JRKL: variants seen among roughly 807,000 people sequenced by gnomAD.
The protein encoded by JRKL is jerky protein homolog-like.
Under a neutral mutation model 34.7 loss-of-function variants are expected in JRKL, and 25 were observed. That is an observed-to-expected ratio of 0.72 (90% CI 0.53 to 1.01). JRKL has a LOEUF of 1.01. Among genes scored for constraint, JRKL ranks in the 50% least tolerant of loss-of-function variants. The pLI is 0.00. For synonymous variants in JRKL, 204 were observed against 212.8 expected, an observed-to-expected ratio of 0.96 and a Z score of 0.36; for missense variants, 495 against 615.7, an observed-to-expected ratio of 0.80 and a Z score of 2.07.
rs1866504452 is a variant in JRKL at position 96,390,695 on chromosome 11, C to T, written c.46C>T (p.Leu16Phe). The change falls in exon 2 of 2, where the codon CTT (leucine) becomes TTT (phenylalanine). Residue 16 changes from leucine (L) to phenylalanine (F), a missense_variant. By Grantham distance (22) the Leu-to-Phe change is conservative (BLOSUM62 0). Transcript: ENST00000332349. ...TGTGGTGTTGACTATTAAAGATAAG[C>T]TTGATATAATAAAGAAACTTGAAGA... ...KRVVLTIKDKLDIIKKLEDGG... is the reference protein window; with the variant it reads ...KRVVLTIKDKFDIIKKLEDGG... 6.2e-7 allele frequency: 1 copy of T among 1,602,498 alleles called. No individual in the cohort carries two copies. The highest frequency in any genetic ancestry group is 8.5e-7 in the Non-Finnish European group (1 of 1,176,662).
At position 96,391,620 on chromosome 11, in the gene JRKL, A is replaced by G; in HGVS notation, c.971A>G (p.Gln324Arg). ...CCACCTAATGTGGCCTCATTGATTC[A>G]GCCTTCAGATCAGGGAGTCATAGCA... ...YLPPNVASLI[Q>R]PSDQGVIATM... is the part of the protein sequence containing the mutation. Residue 324 changes from glutamine to arginine, a missense_variant, in exon 2 of 2, where the codon CAG (glutamine) becomes CGG (arginine). Coordinates refer to ENST00000332349, the MANE Select transcript of JRKL (RefSeq NM_001261833.2). 6.2e-7 allele frequency: 1 copy of G among 1,613,556 alleles called. No individual in the cohort carries two copies.
Position 96,390,479 on chromosome 11 carries a change from G to A in JRKL, c.-167-4G>A, listed in dbSNP as rs1866495954. On this transcript the variant is annotated splice_region_variant and splice_polypyrimidine_tract_variant and intron_variant, in intron 1 of 1. Transcript: ENST00000332349. Reference sequence around the variant, plus strand: ...ACTTCCTCCTCTTTCACCTTCTTCTGCAGTCTATTTGCCAGCCAACCCCAG... The same window carrying A: ...ACTTCCTCCTCTTTCACCTTCTTCTACAGTCTATTTGCCAGCCAACCCCAG... 1.5e-6 allele frequency: 1 copy of A among 654,736 alleles called. No homozygotes were observed. Among genetic ancestry groups the A allele is most frequent in the Non-Finnish European group, 2.4e-6 (1 of 409,722 alleles). 40.6% of individuals were successfully genotyped at this position (654,736 alleles called of 1,614,324 possible).
chr11:96,390,452 A>C, intron 1 of JRKL, 31 bp from the exon 2 acceptor site: 1 of 545,660 alleles, frequency 1.8e-6, no homozygotes, highest in South Asian at 3.3e-5. Context: ...CTGTTCTCTC[A>C]AACTTCCTCC....
chr11:96,391,990 C>A lies in JRKL; in HGVS notation c.1341C>A (p.Ser447Arg). 1.2e-6 allele frequency: 2 copies of A among 1,613,832 alleles called. No individual in the cohort carries two copies. Among genetic ancestry groups the A allele is most frequent in the Non-Finnish European group, 1.7e-6 (2 of 1,179,972 alleles). The change falls in exon 2 of 2, where the codon AGC becomes AGA. Residue 447 changes from serine to arginine, a missense_variant. By Grantham distance (110) the Ser-to-Arg change is moderately radical. Coordinates refer to ENST00000332349, the MANE Select transcript of JRKL (RefSeq NM_001261833.2). ...CAGGCTATGAAGTGTTAACTGATAG[C>A]GAAATCATCAGAAGAGCACAAGGCC... ...TEPGYEVLTD[S>R]EIIRRAQGQA... is the part of the protein sequence containing the mutation.
At position 96,390,988 on chromosome 11, in the gene JRKL, G is replaced by C. The variant is rs1866517072; in HGVS notation, c.339G>C (p.Leu113Phe). The C allele has an allele frequency of 6.2e-7, 1 of 1,614,040 alleles. No homozygotes were observed. Reference protein sequence around the residue: ...AKRAEFFFYALGMDGDFNPSA... With the variant: ...AKRAEFFFYAFGMDGDFNPSA... ...GGGCAGAGTTCTTCTTTTATGCTTT[G>C]GGAATGGATGGTGATTTTAACCCCT... The change falls in exon 2 of 2, where the codon TTG becomes TTC. Residue 113 changes from leucine (L) to phenylalanine (F), a missense_variant. Leu to Phe is a conservative substitution (Grantham distance 22, BLOSUM62 0). Coordinates refer to ENST00000332349, the MANE Select transcript of JRKL (RefSeq NM_001261833.2).
In JRKL at chr11:96,391,531, A is replaced by G. The variant is rs745558844; in HGVS notation, c.882A>G (p.Ser294=). Residue 294 remains serine (S), a synonymous_variant, in exon 2 of 2, where the codon TCA becomes TCG. Transcript: ENST00000332349. The part of the protein sequence containing the change: ...QEKAVLLLDN[S]PTHPNENVLR... ...AGGCTGTGCTCTTGTTGGATAATTC[A>G]CCAACACATCCAAATGAAAATGTCC... The G allele has an allele frequency of 6.4e-7, 1 of 1,555,858 alleles. No homozygotes were observed. The highest frequency in any genetic ancestry group is 1.2e-5 in the South Asian group (1 of 84,936).
At position 96,391,191 on chromosome 11, in the gene JRKL, T is replaced by C. The variant is rs1299219477; in HGVS notation, c.542T>C (p.Leu181Pro). The change falls in exon 2 of 2, where the codon CTC (leucine) becomes CCC (proline). Residue 181 changes from leucine to proline, a missense_variant. Coordinates refer to ENST00000332349, the MANE Select transcript of JRKL (RefSeq NM_001261833.2). ...ATCTACAATGCAGATGAAACTGGAC[T>C]CTTTTGGAAGTGCTTGCCTTCTAGG... ...EQIYNADETG[L>P]FWKCLPSRIS... 2 of 1,559,808 alleles carry C rather than the reference T, an allele frequency of 1.3e-6. No homozygotes were observed. The highest frequency in any genetic ancestry group is 1.7e-6 in the Non-Finnish European group (2 of 1,150,492).
chr11:96,392,566 CTT>C lies in JRKL; in HGVS notation c.*345_*346del, dbSNP rs1866562318. 1 of 184,582 alleles carries C rather than the reference CTT, an allele frequency of 5.4e-6. No homozygotes were observed. The highest frequency in any genetic ancestry group is 2.4e-5 in the African/African-American group (1 of 41,888). The allele number at this position is 184,582 out of a possible 1,614,324, so 11.4% of individuals were successfully genotyped here. On this transcript the variant is annotated 3_prime_UTR_variant, in exon 2 of 2. Coordinates refer to ENST00000332349, the MANE Select transcript of JRKL (RefSeq NM_001261833.2). ...ACAGACTGAAGCACTTTTCTGAAATCTTTTGCTTGATTTATGAAGGCTGCCAT... is the reference window on the plus strand; with the variant it reads ...ACAGACTGAAGCACTTTTCTGAAATCTTGCTTGATTTATGAAGGCTGCCAT...
At position 96,391,902 on chromosome 11, in the gene JRKL, A is replaced by G; in HGVS notation, c.1253A>G (p.Lys418Arg). The G allele has an allele frequency of 1.2e-6, 2 of 1,614,192 alleles. No individual in the cohort carries two copies. Among genetic ancestry groups the G allele is most frequent in the East Asian group, 2.2e-5 (1 of 44,882 alleles). ...GTGGCTGCCATTTTACAACACACCA[A>G]AGGATTGGAAAATGTGACTACTGAG... is the stretch of plus-strand genomic sequence containing the variant. ...ATVAAILQHT[K>R]GLENVTTENL... The change falls in exon 2 of 2, where the codon AAA (lysine) becomes AGA (arginine). Residue 418 changes from lysine (K) to arginine (R), a missense_variant. Lys to Arg is a conservative substitution (Grantham distance 26, BLOSUM62 2). Transcript: ENST00000332349.
In JRKL at chr11:96,391,486, A is replaced by G. The variant is rs945818201; in HGVS notation, c.837A>G (p.Arg279=). The G allele has an allele frequency of 2.6e-6, 4 of 1,551,952 alleles. No homozygotes were observed. In the African/African-American group the frequency reaches 5.5e-5, roughly 21 times the overall value. Residue 279 remains arginine, a synonymous_variant, in exon 2 of 2, where the codon AGA becomes AGG. Transcript: ENST00000332349. ...IFVPQVREYL[R]SKGLQEKAVL... ...TGCCGCAAGTTCGAGAGTATTTAAG[A>G]TCTAAAGGCTTGCAGGAAAAGGCTG...
chr11:96,391,054 T>C lies in JRKL; in HGVS notation c.405T>C (p.Ile135=). 1.2e-6 allele frequency: 2 copies of C among 1,614,180 alleles called. No homozygotes were observed. Among genetic ancestry groups the C allele is most frequent in the South Asian group, 1.1e-5 (1 of 91,078 alleles). ...WLTRFKQRHS[I]REINIRNERL... ...CTCGTTTTAAGCAGCGGCACAGCAT[T>C]AGAGAGATTAACATTAGAAATGAAA... Residue 135 remains isoleucine (I), a synonymous_variant, in exon 2 of 2, where the codon ATT becomes ATC. Coordinates refer to ENST00000332349, the MANE Select transcript of JRKL (RefSeq NM_001261833.2).
At chr11:96,390,293 C>G (rs1314539634) in intron 1 of JRKL, among the ~76,000 whole-genome samples, 190 bp from the exon 2 acceptor site, 4 of 152,062 alleles carry the variant, frequency 2.6e-5, no homozygotes, top group African/African-American at 9.7e-5. Flanking sequence ...GCGCGGTTAC[C>G]CGGGATCTGG....
rs201157332 is a variant in JRKL, at chr11:96,393,124, GTTT to G, written c.*917_*919del. The G allele has an allele frequency of 1.3e-4, 18 of 139,430 alleles. No individual in the cohort carries two copies. The highest frequency in any genetic ancestry group is 7.7e-5 in the Admixed American group (1 of 12,978). 8.6% of individuals were successfully genotyped at this position (139,430 alleles called of 1,614,324 possible). A position where few individuals can be genotyped will look rare whatever the true frequency, so the allele number is the denominator to read the frequency against. The stretch of plus-strand genomic sequence containing the variant: ...ATCTTGGGAATTTGAGATTTAATAA[GTTT>G]TTTTTTTTTTTTTTTTAGTGTTTTT... On this transcript the variant is annotated 3_prime_UTR_variant, in exon 2 of 2. Coordinates refer to ENST00000332349, the MANE Select transcript of JRKL (RefSeq NM_001261833.2).
Position 96,392,266 on chromosome 11 carries a change from A to G in JRKL, c.*42A>G. 6.7e-7 allele frequency: 1 copy of G among 1,488,140 alleles called. No homozygotes were observed. The highest frequency in any genetic ancestry group is 2.3e-5 in the East Asian group (1 of 42,826). 92.2% of individuals were successfully genotyped at this position (1,488,140 alleles called of 1,614,324 possible). On this transcript the variant is annotated 3_prime_UTR_variant, in exon 2 of 2. Transcript: ENST00000332349. The stretch of plus-strand genomic sequence containing the variant: ...TTGTTCTGCTCATTGTGTTTGTGAC[A>G]AACTCTTTGCAATATGGCTTAATTT...
At position 96,390,978 on chromosome 11, in the gene JRKL, T is replaced by C. The variant is rs1254250740; in HGVS notation, c.329T>C (p.Phe110Ser). The change falls in exon 2 of 2, where the codon TTT (phenylalanine) becomes TCT (serine). Residue 110 changes from phenylalanine to serine, a missense_variant. Physicochemically the swap from Phe to Ser is radical, Grantham distance 155. Transcript: ENST00000332349. ...PICAKRAEFF[F>S]YALGMDGDFN... The stretch of plus-strand genomic sequence containing the variant: ...TGTGCAAAAAGGGCAGAGTTCTTCT[T>C]TTATGCTTTGGGAATGGATGGTGAT... The C allele has an allele frequency of 1.2e-6, 2 of 1,614,044 alleles. No individual in the cohort carries two copies. Among genetic ancestry groups the C allele is most frequent in the Non-Finnish European group, 1.7e-6 (2 of 1,180,042 alleles).
At position 96,392,289 on chromosome 11, in the gene JRKL, TTTTC is replaced by T; in HGVS notation, c.*69_*72del. The T allele has an allele frequency of 6.8e-7, 1 of 1,475,220 alleles. No homozygotes were observed. Among genetic ancestry groups the T allele is most frequent in the Non-Finnish European group, 9.0e-7 (1 of 1,114,520 alleles). 91.4% of individuals were successfully genotyped at this position (1,475,220 alleles called of 1,614,324 possible). ...ACAAACTCTTTGCAATATGGCTTAA[TTTTC>T]TTTGTGTTCTGAATTCTCAGACTTG... is the stretch of plus-strand genomic sequence containing the variant. On this transcript the variant is annotated 3_prime_UTR_variant, in exon 2 of 2. Coordinates refer to ENST00000332349, the MANE Select transcript of JRKL (RefSeq NM_001261833.2).
In JRKL at chr11:96,390,516, A is replaced by G. The variant is rs1866497598; in HGVS notation, c.-134A>G. The G allele has an allele frequency of 8.5e-7, 1 of 1,172,568 alleles. No homozygotes were observed. Among genetic ancestry groups the G allele is most frequent in the African/African-American group, 1.5e-5 (1 of 64,774 alleles). 72.6% of individuals were successfully genotyped at this position (1,172,568 alleles called of 1,614,324 possible). ...CCAGCCAACCCCAGCCCGGGAGGGGATCAGGGCCACCAGGTTGCTGGTAAG... is the reference window on the plus strand; with the variant it reads ...CCAGCCAACCCCAGCCCGGGAGGGGGTCAGGGCCACCAGGTTGCTGGTAAG... On this transcript the variant is annotated 5_prime_UTR_variant, in exon 2 of 2. Coordinates refer to ENST00000332349, the MANE Select transcript of JRKL (RefSeq NM_001261833.2).
Position 96,391,171 on chromosome 11 carries a change from C to A in JRKL, c.522C>A (p.Tyr174Ter). ...ERENLQPEQIYNADETGLFWK... is the reference protein window; with the variant it reads ...ERENLQPEQI ...AGAATTTACAGCCTGAACAAATCTA[C>A]AATGCAGATGAAACTGGACTCTTTT... The change falls in exon 2 of 2, where the codon TAC becomes TAA. Residue 174 changes from tyrosine (Y) to a stop codon, truncating the protein, a stop_gained. Transcript: ENST00000332349. LOFTEE classifies it high-confidence loss of function. 6.4e-7 allele frequency: 1 copy of A among 1,574,434 alleles called. No individual in the cohort carries two copies. Among genetic ancestry groups the A allele is most frequent in the African/African-American group, 1.4e-5 (1 of 73,858 alleles).
chr11:96,391,546 T>C lies in JRKL; in HGVS notation c.897T>C (p.Asn299=). 6.4e-7 allele frequency: 1 copy of C among 1,560,510 alleles called. No individual in the cohort carries two copies. The highest frequency in any genetic ancestry group is 8.7e-7 in the Non-Finnish European group (1 of 1,151,570). The change falls in exon 2 of 2, where the codon AAT becomes AAC. Residue 299 remains asparagine (N), a synonymous_variant. Coordinates refer to ENST00000332349, the MANE Select transcript of JRKL (RefSeq NM_001261833.2). The stretch of plus-strand genomic sequence containing the variant: ...TGGATAATTCACCAACACATCCAAA[T>C]GAAAATGTCCTAAGGTCAGATGATG... ...LLLDNSPTHP[N]ENVLRSDDGQ...
Sources: gnomAD v4.1 joint callset for allele counts (sites outside exome capture counted in the v4.1 genomes callset) on GRCh38, gnomAD v4.1.1 for gene constraint, MANE v1.5 for transcripts, NCBI Gene and HGNC (gene_info 2026-07-23, HGNC 2026-07-21) for gene names.